Variants in INPP5B observed in about 807,000 individuals in gnomAD.
The protein encoded by INPP5B is type II inositol 1,4,5-trisphosphate 5-phosphatase.
In INPP5B, 90 loss-of-function variants were observed where a neutral mutation model predicts 118.5. The observed-to-expected ratio is 0.76, with a 90% CI of 0.64 to 0.90. The LOEUF (loss-of-function observed/expected upper bound fraction) is 0.90, where lower values mean the gene tolerates loss of function less well. INPP5B is among the 40% of genes least tolerant of loss of function. INPP5B has a pLI of 0.00. For synonymous variants in INPP5B, 385 were observed against 418.9 expected (o/e 0.92, Z 0.99); for missense variants, 984 against 1,125.6 (o/e 0.87, Z 1.80).
intron 7 of INPP5B, chr1:37,931,594 G>A: frequency 6.5e-7 from 1 of 1,538,042 alleles, no homozygotes; most frequent in Non-Finnish European, 8.7e-7. Flanking sequence ...CCAAACCGCC[G>A]ACCCTGCCCA....
intron 19 of INPP5B, 48 bp downstream of exon 19, chr1:37,872,881 GC>G (rs760875600): frequency 4.5e-5 from 63 of 1,399,162 alleles, no homozygotes; most frequent in Non-Finnish European, 6.2e-5. Context: ...TGTTTGACTG[GC>G]TTGTCTGCTA....
At chr1:37,906,376 T>C (rs1365256013) in intron 7 of INPP5B, among the ~76,000 whole-genome samples, 1 of 152,202 alleles carries the variant, frequency 6.6e-6, no homozygotes, top group Non-Finnish European at 1.5e-5. Flanking sequence ...AAAAGTATTA[T>C]CTAAGATTTC....
intron 7 of INPP5B, among the ~76,000 whole-genome samples, chr1:37,894,112 A>G (rs891860952): frequency 2.6e-5 from 4 of 152,232 alleles, no homozygotes; most frequent in Admixed American, 1.3e-4. Flanking sequence ...ATTTTCACAT[A>G]TCACAAAGCA....
In INPP5B at chr1:37,880,147, C is replaced by T. The variant is rs777615820; in HGVS notation, c.1479G>A (p.Glu493=). 5 of 1,611,934 alleles carry T rather than the reference C, an allele frequency of 3.1e-6. No individual in the cohort carries two copies. The highest frequency in any genetic ancestry group is 1.3e-5 in the African/African-American group (1 of 74,874). ...AAGTAGGCTGGAATGTGAGCTCACC[C>T]TCTGTGAAGCCTTCAAAGACAGTCT... ...AAKTVFEGFT[E]GELTFQPTYK... The change falls in exon 15 of 24, where the codon GAG becomes GAA. Residue 493 remains glutamate, a synonymous_variant. Transcript: ENST00000373024.
At chr1:37,919,253 G>C (rs1404398198) in intron 7 of INPP5B, among the ~76,000 whole-genome samples, 1 of 152,118 alleles carries the variant, frequency 6.6e-6, no homozygotes, top group African/African-American at 2.4e-5. Context: ...TGGAGATCAC[G>C]TTCTACCCTT....
chr1:37,885,972 GTTC>G, intron 12 of INPP5B, 147 bp from the exon 13 acceptor site: 2 of 636,820 alleles, frequency 3.1e-6, no homozygotes, highest in Non-Finnish European at 5.5e-6. Flanking sequence ...GAGGTCAGGA[GTTC>G]AAGACCAGCC....
rs755907744 is a variant in INPP5B at position 37,864,441 on chromosome 1, G to A, written c.2515-18C>T. ...GAAATGACCTGAAAGAGGAAGAACCGGGATTTGTCTTTTGTTCACTGAATC... is the reference window on the plus strand; with the variant it reads ...GAAATGACCTGAAAGAGGAAGAACCAGGATTTGTCTTTTGTTCACTGAATC... On this transcript the variant is annotated intron_variant, in intron 22 of 23. Transcript: ENST00000373024. 18 of 1,444,088 alleles carry A rather than the reference G, an allele frequency of 1.2e-5. No individual in the cohort carries two copies. The highest frequency in any genetic ancestry group is 3.5e-5 in the South Asian group (3 of 86,788). 89.5% of individuals were successfully genotyped at this position (1,444,088 alleles called of 1,614,324 possible).
intron 7 of INPP5B, chr1:37,931,704 G>A (rs568207508): frequency 1.5e-5 from 23 of 1,540,380 alleles, no homozygotes; most frequent in South Asian, 1.2e-4. Context: ...AGCCGGCGGC[G>A]GCAGACATTT....
chr1:37,933,463 C>G (rs542999750), intron 6 of INPP5B, among the ~76,000 whole-genome samples: 66 of 150,702 alleles, frequency 4.4e-4, no homozygotes, highest in African/African-American at 1.6e-3. Flanking sequence ...CAGGAGAATC[C>G]CTCTAACCTG....
Position 37,931,735 on chromosome 1 carries a change from T to C in INPP5B, c.532+178A>G, listed in dbSNP as rs781528897. The C allele has an allele frequency of 1.8e-5, 28 of 1,589,432 alleles. No homozygotes were observed. In the Middle Eastern group the frequency reaches 1.3e-3, roughly 75 times the overall value. On this transcript the variant is annotated intron_variant, in intron 7 of 23. Coordinates refer to ENST00000373024, the MANE Select transcript of INPP5B (RefSeq NM_005540.3). The stretch of plus-strand genomic sequence containing the variant: ...CATTTCCCTGCCTGCTTCCTCAAGC[T>C]CCTCATCCCGCCGCCCGTCCCGCGC...
At chr1:37,883,927 A>G in intron 13 of INPP5B, 1 of 867,508 alleles carries the variant, frequency 1.2e-6, no homozygotes, top group Non-Finnish European at 1.4e-6. Flanking sequence ...CTTTGACTTT[A>G]GACAAAGAGG....
At chr1:37,931,697 C>G in intron 7 of INPP5B, 4 of 1,545,914 alleles carry the variant, frequency 2.6e-6, no homozygotes, top group Non-Finnish European at 3.5e-6. Context: ...TCCCGAGAGC[C>G]GGCGGCGGCA....
chr1:37,933,412 G>A (rs1645566613), intron 6 of INPP5B, among the ~76,000 whole-genome samples: 1 of 152,094 alleles, frequency 6.6e-6, no homozygotes, highest in Non-Finnish European at 1.5e-5. Flanking sequence ...GCTGGCCATG[G>A]TGGCATGCGC....
intron 15 of INPP5B, among the ~76,000 whole-genome samples, chr1:37,878,901 C>T (rs186837836): frequency 0.022 from 3,264 of 151,152 alleles, 51 homozygotes; most frequent in Middle Eastern, 0.076. Flanking sequence ...CTGCCCGCCT[C>T]GGCCTCCCAA....
chr1:37,914,871 C>G (rs61776679), intron 7 of INPP5B, among the ~76,000 whole-genome samples: 5,170 of 152,222 alleles, frequency 0.034, 134 homozygotes, highest in Middle Eastern at 0.068. Context: ...ATATATGGCA[C>G]ACACCAGGCA....
intron 6 of INPP5B, among the ~76,000 whole-genome samples, chr1:37,940,103 A>G (rs1401541718): frequency 6.6e-6 from 1 of 152,130 alleles, no homozygotes; most frequent in Non-Finnish European, 1.5e-5. Context: ...GTGGGTAAAC[A>G]TTTAAGCCCC....
At position 37,864,325 on chromosome 1, in the gene INPP5B, AT is replaced by A. The variant is rs778097492; in HGVS notation, c.2612del (p.Asp871ValfsTer5). On this transcript the variant is annotated frameshift_variant, in exon 23 of 24. Coordinates refer to ENST00000373024, the MANE Select transcript of INPP5B (RefSeq NM_005540.3). LOFTEE classifies it high-confidence loss of function. ...TTGGCTGCTTACCTAGAATATTCTC[AT>A]CCAAATGATTTTTTGCTGAATTTTT... ...LLKNSAKNHL[D>X]ENILASIFGS... 53 of 1,595,064 alleles carry A rather than the reference AT, an allele frequency of 3.3e-5. No individual in the cohort carries two copies. The highest frequency in any genetic ancestry group is 4.6e-5 in the Non-Finnish European group (53 of 1,163,254).
chr1:37,865,646 G>A, intron 22 of INPP5B, 115 bp downstream of exon 22: 1 of 1,168,708 alleles, frequency 8.6e-7, no homozygotes, highest in East Asian at 2.7e-5. Flanking sequence ...GTTTGAGAAG[G>A]AAAGATAAGG....
At chr1:37,898,627 G>A (rs990315804) in intron 7 of INPP5B, among the ~76,000 whole-genome samples, 3 of 151,738 alleles carry the variant, frequency 2.0e-5, no homozygotes, top group Admixed American at 6.6e-5. Context: ...CCCAGGAGGT[G>A]GAGCTTGCAG....
Sources: gnomAD v4.1 joint callset for allele counts (sites outside exome capture counted in the v4.1 genomes callset) on GRCh38, gnomAD v4.1.1 for gene constraint, MANE v1.5 for transcripts, NCBI Gene and HGNC (gene_info 2026-07-23, HGNC 2026-07-21) for gene names.